Variants in DIP2C observed in about 807,000 individuals in gnomAD.
The protein encoded by DIP2C is disco-interacting protein 2 homolog C.
Under a neutral mutation model 192.4 loss-of-function variants are expected in DIP2C, and 33 were observed. That is an observed-to-expected ratio of 0.17 (90% CI 0.13 to 0.23). The LOEUF is 0.23. DIP2C is among the 10% of genes least tolerant of loss of function. The pLI is 1.00. For missense variants in DIP2C, 1,537 were observed against 2,110.1 expected (o/e 0.73, Z 5.32); for synonymous variants, 979 against 864.1 (o/e 1.13, Z -2.33).
rs1326893457 is a variant in DIP2C, at chr10:454,420, GCACCCCTCA to G, written c.269-13433_269-13425del. Among the ~76,000 whole-genome samples the G allele has an allele frequency of 6.6e-5, 10 of 152,282 alleles. 1 individual carries two copies. In the South Asian group the frequency reaches 2.1e-3, roughly 32 times the overall value. On this transcript the variant is annotated intron_variant, in intron 3 of 36. Transcript: ENST00000280886. ...TACTAAAAAGGGGATAAAAATGTCA[GCACCCCTCA>G]AACCCCTCAGAGAAAGAGGTAGTAT...
At chr10:662,739 G>A (rs569546967) in intron 1 of DIP2C, 1 of 604,864 alleles carries the variant, frequency 1.7e-6, no homozygotes, top group Non-Finnish European at 3.1e-6. Context: ...AATTTTTAAA[G>A]GTTTCAAATC....
chr10:290,402 G>C (rs1339638118), intron 32 of DIP2C, among the ~76,000 whole-genome samples: 1 of 152,248 alleles, frequency 6.6e-6, no homozygotes, highest in Non-Finnish European at 1.5e-5. Context: ...CTTGCCATGA[G>C]AATACCTAGA....
intron 13 of DIP2C, among the ~76,000 whole-genome samples, chr10:389,178 G>T (rs188291552): frequency 6.7e-6 from 1 of 150,194 alleles, no homozygotes; most frequent in African/African-American, 2.4e-5. Flanking sequence ...GGGCCTCAGG[G>T]CATCCCAAGG....
intron 17 of DIP2C, 198 bp downstream of exon 17, chr10:382,448 AT>A (rs1589664857): frequency 3.9e-6 from 2 of 514,634 alleles, no homozygotes; most frequent in East Asian, 6.4e-5. Flanking sequence ...AGAGCGATAA[AT>A]GTTTTTTAAT....
At chr10:642,975 G>T (rs969696865) in intron 1 of DIP2C, among the ~76,000 whole-genome samples, 1 of 152,124 alleles carries the variant, frequency 6.6e-6, no homozygotes, top group Admixed American at 6.5e-5. Flanking sequence ...AGGCCAAGGT[G>T]GGCAGATCAC....
At chr10:645,985 T>C (rs1020802201) in intron 1 of DIP2C, among the ~76,000 whole-genome samples, 2 of 152,192 alleles carry the variant, frequency 1.3e-5, no homozygotes, top group African/African-American at 4.8e-5. Flanking sequence ...CTCTTTAAAT[T>C]TAGGTGAGTT....
chr10:424,812 C>A, intron 4 of DIP2C, among the ~76,000 whole-genome samples: 1 of 152,252 alleles, frequency 6.6e-6, no homozygotes, highest in Admixed American at 6.5e-5. Context: ...TACAATCTTT[C>A]ATTCCCCACT....
At chr10:465,480 C>T (rs1226091201) in intron 3 of DIP2C, among the ~76,000 whole-genome samples, 1 of 150,954 alleles carries the variant, frequency 6.6e-6, no homozygotes, top group African/African-American at 2.5e-5. Context: ...ACTGGCACGA[C>T]ACAGGGATGC....
intron 1 of DIP2C, chr10:650,936 G>C: frequency 1.4e-6 from 1 of 716,038 alleles, no homozygotes; most frequent in South Asian, 1.5e-5. Context: ...GGACCCCGAG[G>C]CTACACAGCT....
Position 504,606 on chromosome 10 carries a change from C to T in DIP2C, c.86-18076G>A, listed in dbSNP as rs189824526. ...CCACGGCTCCATGACCAAGTCTGAC[C>T]ATGGAGAGAAGCACCCACGGGCTCC... On this transcript the variant is annotated intron_variant, in intron 1 of 36. Coordinates refer to ENST00000280886, the MANE Select transcript of DIP2C (RefSeq NM_014974.3). Among the ~76,000 whole-genome samples, 43 of 152,192 alleles carry T rather than the reference C, an allele frequency of 2.8e-4. 1 individual carries two copies. Among genetic ancestry groups the T allele is most frequent in the African/African-American group, 1.0e-3 (42 of 41,488 alleles).
Position 281,211 on chromosome 10 carries a change from G to C in DIP2C, c.4407C>G (p.Ser1469Arg). ...IETSVIRAHK[S>R]VTECAVFTWT... ...AGCTCACGACTTACCATTCCGTAAC[G>C]CTTTTATGGGCTCTGATGACCGAGG... Residue 1469 changes from serine (S) to arginine (R), a missense_variant, in exon 36 of 37, where the codon AGC becomes AGG. Coordinates refer to ENST00000280886, the MANE Select transcript of DIP2C (RefSeq NM_014974.3). 6.2e-7 allele frequency: 1 copy of C among 1,614,052 alleles called. No homozygotes were observed. The highest frequency in any genetic ancestry group is 8.5e-7 in the Non-Finnish European group (1 of 1,179,970).
At chr10:461,953 G>A (rs1216188432) in intron 3 of DIP2C, among the ~76,000 whole-genome samples, 1 of 152,076 alleles carries the variant, frequency 6.6e-6, no homozygotes, top group Admixed American at 6.6e-5. Flanking sequence ...TGAAATTAAG[G>A]CAGAAATAAA....
At chr10:393,545 C>T (rs373878534) in intron 10 of DIP2C, among the ~76,000 whole-genome samples, 7 of 152,144 alleles carry the variant, frequency 4.6e-5, no homozygotes, top group South Asian at 2.1e-4. Flanking sequence ...TGGGTGGCCA[C>T]GGCAGGCAGA....
At chr10:307,733 A>G (rs531228228) in intron 32 of DIP2C, among the ~76,000 whole-genome samples, 1 of 152,338 alleles carries the variant, frequency 6.6e-6, no homozygotes, top group Admixed American at 6.5e-5. Context: ...CCGGGAGGGA[A>G]GGGCAGCGTG....
chr10:579,775 CATCCAT>C lies in DIP2C; in HGVS notation c.86-93251_86-93246del, dbSNP rs1179557210. Among the ~76,000 whole-genome samples the C allele has an allele frequency of 2.6e-5, 4 of 152,152 alleles. No homozygotes were observed. In the South Asian group the frequency reaches 8.3e-4, roughly 32 times the overall value. On this transcript the variant is annotated intron_variant, in intron 1 of 36. Transcript: ENST00000280886. ...AATGTATGTACATGCAGAGCATACACATCCATATCCATATAGCATATGTACATAGGT... is the reference window on the plus strand; with the variant it reads ...AATGTATGTACATGCAGAGCATACACATCCATATAGCATATGTACATAGGT...
chr10:299,528 G>A (rs138488528), intron 32 of DIP2C, among the ~76,000 whole-genome samples: 5 of 152,324 alleles, frequency 3.3e-5, no homozygotes, highest in Admixed American at 6.5e-5. Flanking sequence ...TGACATAAAT[G>A]TAAGAGATAA....
At chr10:500,291 T>A (rs1241627281) in intron 1 of DIP2C, among the ~76,000 whole-genome samples, 1 of 152,270 alleles carries the variant, frequency 6.6e-6, no homozygotes, top group Non-Finnish European at 1.5e-5. Context: ...GTTCTCTTCC[T>A]GAGACCTGCA....
At chr10:293,750 G>C (rs1471986669) in intron 32 of DIP2C, among the ~76,000 whole-genome samples, 3 of 152,160 alleles carry the variant, frequency 2.0e-5, no homozygotes, top group African/African-American at 7.2e-5. Flanking sequence ...AAAAATAACA[G>C]GCATCATGTT....
chr10:560,244 C>T (rs1424900048), intron 1 of DIP2C, among the ~76,000 whole-genome samples: 1 of 152,090 alleles, frequency 6.6e-6, no homozygotes, highest in Non-Finnish European at 1.5e-5. Context: ...AGAAGACACG[C>T]GATCAAGGTG....
Sources: allele counts gnomAD v4.1 joint callset (sites outside exome capture counted in the v4.1 genomes callset), GRCh38; gene constraint gnomAD v4.1.1; transcripts MANE v1.5; gene names NCBI Gene and HGNC (gene_info 2026-07-23, HGNC 2026-07-21).